The following ITSN1 variants were observed in gnomAD, a reference collection of about 807,000 sequenced individuals.
ITSN1 encodes the protein intersectin 1, also known as intersectin-1.
In ITSN1, 58 loss-of-function variants were observed where a neutral mutation model predicts 239.8. That is an observed-to-expected ratio of 0.24 (90% CI 0.20 to 0.30). ITSN1 has a LOEUF of 0.30. Ranked by LOEUF, ITSN1 falls within the 10% of genes least tolerant of loss-of-function variation. The pLI, the probability that ITSN1 is intolerant of heterozygous loss-of-function variation, is 1.00. For missense variants in ITSN1, 1,558 were observed against 2,103.3 expected, an observed-to-expected ratio of 0.74 and a Z score of 5.07; for synonymous variants, 780 against 770.8, an observed-to-expected ratio of 1.01 and a Z score of -0.20.
At chr21:33,857,620 C>T (rs373811737) in intron 30 of ITSN1, among the ~76,000 whole-genome samples, 41 of 152,278 alleles carry the variant, frequency 2.7e-4, no homozygotes, top group Non-Finnish European at 4.9e-4. Flanking sequence ...CCAGGAAAGA[C>T]GCAGCAGGGC....
Position 33,781,535 on chromosome 21 carries a change from G to A in ITSN1, c.1671G>A (p.Gln557=). ...ILNDQLKQVQ[Q]NSLHRDSLVT... ...ATGACCAATTAAAACAAGTTCAGCA[G>A]AACAGTTTGCACAGTAGGTGTTTTA... The change falls in exon 15 of 40, where the codon CAG becomes CAA. Residue 557 remains glutamine, a synonymous_variant. Transcript: ENST00000381318. 6.4e-7 allele frequency: 1 copy of A among 1,562,502 alleles called. No homozygotes were observed. The highest frequency in any genetic ancestry group is 8.7e-7 in the Non-Finnish European group (1 of 1,147,560).
At position 33,811,190 on chromosome 21, in the gene ITSN1, G is replaced by A. The variant is rs763031843; in HGVS notation, c.2535G>A (p.Thr845=). ...CAGTAACCTCTTCAGAGCCCTCCAC[G>A]ACCCCTAATAACTGGGCCGACTTCA... The part of the protein sequence containing the change: ...PLAVTSSEPS[T]TPNNWADFSS... Residue 845 remains threonine, a synonymous_variant, in exon 21 of 40, where the codon ACG becomes ACA. Coordinates refer to ENST00000381318, the MANE Select transcript of ITSN1 (RefSeq NM_003024.3). 3.8e-6 allele frequency: 6 copies of A among 1,588,748 alleles called. No individual in the cohort carries two copies. The highest frequency in any genetic ancestry group is 1.8e-5 in the Admixed American group (1 of 55,496).
chr21:33,704,531 C>T (rs536422579), intron 1 of ITSN1, among the ~76,000 whole-genome samples: 5 of 152,238 alleles, frequency 3.3e-5, no homozygotes, highest in South Asian at 4.1e-4. Context: ...GTGTTTTAGT[C>T]TCTGGAAGAG....
intron 1 of ITSN1, among the ~76,000 whole-genome samples, chr21:33,715,395 CTG>C (rs1251744781): frequency 5.9e-5 from 9 of 152,036 alleles, no homozygotes; most frequent in Admixed American, 5.9e-4. Context: ...GGAAGTAAAA[CTG>C]AATGAACAGA....
chr21:33,646,447 A>G (rs1376100014), intron 1 of ITSN1, among the ~76,000 whole-genome samples: 1 of 152,196 alleles, frequency 6.6e-6, no homozygotes, highest in Non-Finnish European at 1.5e-5. Context: ...AATAGAGAAA[A>G]TTGTTATGTT....
chr21:33,874,729 A>C (rs2148528880), intron 33 of ITSN1, among the ~76,000 whole-genome samples: 1 of 147,960 alleles, frequency 6.8e-6, no homozygotes, highest in East Asian at 2.0e-4. Flanking sequence ...GCTCACTACA[A>C]CCTCTGCCTC....
At chr21:33,782,454 ATTG>A (rs2070274934) in intron 16 of ITSN1, among the ~76,000 whole-genome samples, 1 of 152,128 alleles carries the variant, frequency 6.6e-6, no homozygotes, top group Non-Finnish European at 1.5e-5. Flanking sequence ...ACTAAAAGGG[ATTG>A]TTTTCTTTTT....
intron 4 of ITSN1, among the ~76,000 whole-genome samples, chr21:33,727,438 A>C (rs1449147952): frequency 1.3e-5 from 2 of 151,628 alleles, no homozygotes; most frequent in African/African-American, 4.8e-5. Flanking sequence ...GAGAGGAAAG[A>C]AGGGAGCCAG....
intron 27 of ITSN1, among the ~76,000 whole-genome samples, chr21:33,831,160 G>A (rs1298633399): frequency 6.6e-6 from 1 of 152,192 alleles, no homozygotes; most frequent in Non-Finnish European, 1.5e-5. Flanking sequence ...CATCCAAAGT[G>A]AAGATCAGCC....
intron 16 of ITSN1, among the ~76,000 whole-genome samples, chr21:33,788,726 C>G (rs2070866126): frequency 6.6e-6 from 1 of 152,138 alleles, no homozygotes; most frequent in Non-Finnish European, 1.5e-5. Flanking sequence ...GAGCAAGACT[C>G]CATCTCAAAT....
rs924626506 is a variant in ITSN1, at chr21:33,895,436, CATGT to C, written c.*7141_*7144del. 12 of 149,170 alleles carry C rather than the reference CATGT, an allele frequency of 8.0e-5. No individual in the cohort carries two copies. The highest frequency in any genetic ancestry group is 2.2e-4 in the African/African-American group (9 of 40,118). 9.2% of individuals were successfully genotyped at this position (149,170 alleles called of 1,614,324 possible). ...GCATGCGTGTTTGTGCGTGCGTGTG[CATGT>C]ATGTGTTTGTGCGTGCACGTGTGCG... is the stretch of plus-strand genomic sequence containing the variant. On this transcript the variant is annotated 3_prime_UTR_variant, in exon 40 of 40. Coordinates refer to ENST00000381318, the MANE Select transcript of ITSN1 (RefSeq NM_003024.3).
At chr21:33,694,541 C>G (rs965575045) in intron 1 of ITSN1, among the ~76,000 whole-genome samples, 2 of 152,074 alleles carry the variant, frequency 1.3e-5, no homozygotes, top group Admixed American at 1.3e-4. Context: ...AAGGGTCTGG[C>G]CAGGCGCTGT....
chr21:33,798,941 T>C (rs2071768690), intron 18 of ITSN1, among the ~76,000 whole-genome samples: 1 of 152,202 alleles, frequency 6.6e-6, no homozygotes, highest in South Asian at 2.1e-4. Context: ...TTTAAGTTCT[T>C]CATGCGTCCT....
At position 33,896,997 on chromosome 21, in the gene ITSN1, A is replaced by T. The variant is rs548692893; in HGVS notation, c.*8697A>T. ...GTCATGCAATCTTCCGGACTACGGGAAGTTCTGCAAGTGTTCTCCAGGGGC... is the reference window on the plus strand; with the variant it reads ...GTCATGCAATCTTCCGGACTACGGGTAGTTCTGCAAGTGTTCTCCAGGGGC... On this transcript the variant is annotated 3_prime_UTR_variant, in exon 40 of 40. Transcript: ENST00000381318. 4 of 152,190 alleles carry T rather than the reference A, an allele frequency of 2.6e-5. No individual in the cohort carries two copies. Among genetic ancestry groups the T allele is most frequent in the Admixed American group, 6.5e-5 (1 of 15,280 alleles). 9.4% of individuals were successfully genotyped at this position (152,190 alleles called of 1,614,324 possible). A position where few individuals can be genotyped will look rare whatever the true frequency, so the allele number is the denominator to read the frequency against.
At chr21:33,819,812 C>G (rs2073541249) in intron 24 of ITSN1, among the ~76,000 whole-genome samples, 1 of 151,626 alleles carries the variant, frequency 6.6e-6, no homozygotes, top group Admixed American at 6.6e-5. Context: ...GAAACCCCGT[C>G]TCTACTAAAA....
chr21:33,805,097 C>G (rs937655624), intron 20 of ITSN1, among the ~76,000 whole-genome samples: 2 of 152,226 alleles, frequency 1.3e-5, no homozygotes, highest in African/African-American at 4.8e-5. Context: ...ACTGCATATA[C>G]AGCCTTCAGA....
chr21:33,859,890 G>A (rs951237753), intron 31 of ITSN1, among the ~76,000 whole-genome samples: 17 of 152,312 alleles, frequency 1.1e-4, no homozygotes, highest in South Asian at 2.1e-4. Context: ...CCTGCCACCC[G>A]ATGCCGTGGA....
chr21:33,874,377 G>A (rs940714790), intron 33 of ITSN1, among the ~76,000 whole-genome samples: 2 of 152,094 alleles, frequency 1.3e-5, no homozygotes, highest in African/African-American at 2.4e-5. Flanking sequence ...CACCCTTGCT[G>A]CAGCCACCGC....
chr21:33,823,396 T>C, intron 24 of ITSN1, 91 bp from the exon 25 acceptor site: 1 of 1,154,838 alleles, frequency 8.7e-7, no homozygotes, highest in Non-Finnish European at 1.3e-6. Context: ...TTGTCCTAAC[T>C]TCCTTATTCG....
Sources: allele counts gnomAD v4.1 joint callset (sites outside exome capture counted in the v4.1 genomes callset), GRCh38; gene constraint gnomAD v4.1.1; transcripts MANE v1.5; gene names NCBI Gene and HGNC (gene_info 2026-07-23, HGNC 2026-07-21).